The following TSPAN5 variants were observed in gnomAD, a reference collection of about 807,000 sequenced individuals.
The protein encoded by TSPAN5 is tetraspanin-5.
Under a neutral mutation model 37.1 loss-of-function variants are expected in TSPAN5, and 10 were observed. That is an observed-to-expected ratio of 0.27 (90% confidence interval 0.17 to 0.46). The LOEUF is 0.46. Ranked by LOEUF, TSPAN5 falls within the 20% of genes least tolerant of loss-of-function variation. The probability of loss-of-function intolerance (pLI) is 1.00; values close to 1 mark genes in which losing one functional copy is unlikely to be tolerated. For synonymous variants in TSPAN5, 110 were observed against 118.9 expected, an observed-to-expected ratio of 0.93 and a Z score of 0.48; for missense variants, 195 against 326.6, an observed-to-expected ratio of 0.60 and a Z score of 3.11.
chr4:98,497,602 C>T (rs144197694), intron 2 of TSPAN5, among the ~76,000 whole-genome samples: 86 of 152,300 alleles, frequency 5.6e-4, no homozygotes, highest in African/African-American at 1.8e-3. Flanking sequence ...TCTGGACTAG[C>T]GGCAGGTGAC....
rs1378486604 is a variant in TSPAN5, at chr4:98,472,308, C to T, written c.*214G>A. On this transcript the variant is annotated 3_prime_UTR_variant, in exon 8 of 8. Transcript: ENST00000305798. ...AATTCATGGCTACAGTAGAGATTCACGGCGCAACGACTTTCATACTGGTTA... is the reference window on the plus strand; with the variant it reads ...AATTCATGGCTACAGTAGAGATTCATGGCGCAACGACTTTCATACTGGTTA... The T allele has an allele frequency of 2.5e-5, 11 of 436,708 alleles. No individual in the cohort carries two copies. Among genetic ancestry groups the T allele is most frequent in the East Asian group, 3.6e-5 (1 of 28,138 alleles). The allele number at this position is 436,708 out of a possible 1,614,324, so 27.1% of individuals were successfully genotyped here.
intron 1 of TSPAN5, among the ~76,000 whole-genome samples, chr4:98,523,228 G>A (rs1753893343): frequency 6.6e-6 from 1 of 152,154 alleles, no homozygotes; most frequent in African/African-American, 2.4e-5. Flanking sequence ...GTTTGGAAGA[G>A]TCTCCTGATG....
chr4:98,605,731 T>C (rs559147454), intron 1 of TSPAN5, among the ~76,000 whole-genome samples: 3 of 152,340 alleles, frequency 2.0e-5, no homozygotes, highest in Admixed American at 6.5e-5. Context: ...TTCTCAACAG[T>C]CTAAAAATGG....
intron 1 of TSPAN5, among the ~76,000 whole-genome samples, chr4:98,634,634 TA>T (rs1355005811): frequency 1.3e-5 from 2 of 152,220 alleles, no homozygotes; most frequent in African/African-American, 4.8e-5. Flanking sequence ...TTATAATATA[TA>T]CCACCTCCTT....
At chr4:98,557,768 G>A (rs190209049) in intron 1 of TSPAN5, among the ~76,000 whole-genome samples, 18 of 152,326 alleles carry the variant, frequency 1.2e-4, no homozygotes, top group Admixed American at 6.5e-4. Context: ...GATAAGTCAT[G>A]TTGACAGGAT....
intron 1 of TSPAN5, among the ~76,000 whole-genome samples, chr4:98,534,643 G>T (rs1754191570): frequency 6.6e-6 from 1 of 152,110 alleles, no homozygotes; most frequent in Non-Finnish European, 1.5e-5. Flanking sequence ...ATTATTGTGT[G>T]GGAGTCTAAT....
chr4:98,490,215 A>G (rs1001380675), intron 2 of TSPAN5, among the ~76,000 whole-genome samples: 1 of 152,188 alleles, frequency 6.6e-6, no homozygotes, highest in African/African-American at 2.4e-5. Flanking sequence ...CTCAGTGGGT[A>G]ACAAAGACGA....
intron 1 of TSPAN5, among the ~76,000 whole-genome samples, chr4:98,514,387 A>C (rs1364396702): frequency 6.6e-6 from 1 of 152,208 alleles, no homozygotes; most frequent in Non-Finnish European, 1.5e-5. Flanking sequence ...GTCTTTATAG[A>C]GGAGGGACTT....
chr4:98,623,865 T>C lies in TSPAN5; in HGVS notation c.81+34281A>G, dbSNP rs189656795. 1.8e-4 allele frequency among the ~76,000 whole-genome samples: 28 copies of C among 152,326 alleles called. No homozygotes were observed. The East Asian group carries it at 4.4e-3, about 24-fold the overall frequency. The stretch of plus-strand genomic sequence containing the variant: ...TATATACAATTCCATGTTTCCTCTG[T>C]ATTCACGTACTTTGAAAAGTTCAAT... On this transcript the variant is annotated intron_variant, in intron 1 of 7. Transcript: ENST00000305798.
intron 1 of TSPAN5, among the ~76,000 whole-genome samples, chr4:98,539,442 C>T (rs1306733620): frequency 1.3e-5 from 2 of 152,184 alleles, no homozygotes; most frequent in Non-Finnish European, 2.9e-5. Context: ...ATTGCCCTTA[C>T]TCCCCTCTTC....
At chr4:98,556,952 T>C (rs1408780362) in intron 1 of TSPAN5, among the ~76,000 whole-genome samples, 3 of 152,206 alleles carry the variant, frequency 2.0e-5, no homozygotes, top group African/African-American at 7.2e-5. Context: ...TTAAAAATTA[T>C]ACCAATATTT....
At chr4:98,591,730 TC>T (rs1755637908) in intron 1 of TSPAN5, among the ~76,000 whole-genome samples, 1 of 143,946 alleles carries the variant, frequency 6.9e-6, no homozygotes, top group African/African-American at 2.6e-5. Flanking sequence ...TTTTAATGTG[TC>T]TACCAGAAAT....
chr4:98,642,222 G>C (rs907000410), intron 1 of TSPAN5, among the ~76,000 whole-genome samples: 8 of 152,160 alleles, frequency 5.3e-5, no homozygotes, highest in Admixed American at 2.6e-4. Context: ...AAAGTAAAAA[G>C]CTCTGTCTTC....
intron 1 of TSPAN5, among the ~76,000 whole-genome samples, chr4:98,594,034 T>C (rs1358799447): frequency 1.3e-5 from 1 of 75,076 alleles, no homozygotes; most frequent in Non-Finnish European, 2.4e-5. Context: ...TTGGGCAGTA[T>C]GGCCATTTTC....
chr4:98,657,277 C>T (rs1042829292), intron 1 of TSPAN5, among the ~76,000 whole-genome samples: 6 of 152,122 alleles, frequency 3.9e-5, no homozygotes, highest in East Asian at 1.9e-4. Flanking sequence ...CATTGCAGTC[C>T]CAAGCAGAGC....
At chr4:98,562,129 G>A (rs986867910) in intron 1 of TSPAN5, among the ~76,000 whole-genome samples, 5 of 152,174 alleles carry the variant, frequency 3.3e-5, no homozygotes, top group African/African-American at 9.7e-5. Context: ...AGGGGATGAG[G>A]TTATAAATAA....
chr4:98,495,417 C>T (rs904937415), intron 2 of TSPAN5, among the ~76,000 whole-genome samples: 31 of 151,534 alleles, frequency 2.0e-4, no homozygotes, highest in African/African-American at 7.0e-4. Flanking sequence ...CCCAGCTACT[C>T]GGGAGGCTGA....
intron 1 of TSPAN5, among the ~76,000 whole-genome samples, chr4:98,619,158 C>T (rs755120936): frequency 1.3e-5 from 2 of 152,226 alleles, no homozygotes; most frequent in Non-Finnish European, 2.9e-5. Flanking sequence ...CAAACTCTAT[C>T]AGTATTAGCC....
rs1340593880 is a variant in TSPAN5 at position 98,482,103 on chromosome 4, A to G, written c.352T>C (p.Trp118Arg). The change falls in exon 4 of 8, where the codon TGG (tryptophan) becomes CGG (arginine). Residue 118 changes from tryptophan (W) to arginine (R), a missense_variant. By Grantham distance (101) the Trp-to-Arg change is moderately radical. Transcript: ENST00000305798. ...AGVLAFVFKD[W>R]IKDQLYFFIN... Reference sequence around the variant, plus strand: ...AAGAAATACAGCTGGTCTTTGATCCAGTCTTTGAAAACAAATGCTAGAACT... The same window carrying G: ...AAGAAATACAGCTGGTCTTTGATCCGGTCTTTGAAAACAAATGCTAGAACT... The G allele has an allele frequency of 6.2e-7, 1 of 1,614,180 alleles. No individual in the cohort carries two copies. Among genetic ancestry groups the G allele is most frequent in the Non-Finnish European group, 8.5e-7 (1 of 1,180,016 alleles).
Sources: gnomAD v4.1 joint callset for allele counts (sites outside exome capture counted in the v4.1 genomes callset) on GRCh38, gnomAD v4.1.1 for gene constraint, MANE v1.5 for transcripts, NCBI Gene and HGNC (gene_info 2026-07-23, HGNC 2026-07-21) for gene names.